The following PCSK2 variants were observed in gnomAD, a reference collection of about 807,000 sequenced individuals.
PCSK2 encodes neuroendocrine convertase 2.
In PCSK2, 14 loss-of-function variants were observed where a neutral mutation model predicts 69.7. That is an observed-to-expected ratio of 0.20 (90% CI 0.13 to 0.31). PCSK2 has a LOEUF of 0.31. Among genes scored for constraint, PCSK2 ranks in the 10% least tolerant of loss-of-function variants. The pLI is 1.00. For synonymous variants in PCSK2, 307 were observed against 320.7 expected (o/e 0.96, Z 0.46); for missense variants, 544 against 842.5 (o/e 0.65, Z 4.39).
Position 17,394,436 on chromosome 20 carries a change from G to A in PCSK2, c.544-14827G>A, listed in dbSNP as rs73257674. On this transcript the variant is annotated intron_variant, in intron 5 of 11. Coordinates refer to ENST00000262545, the MANE Select transcript of PCSK2 (RefSeq NM_002594.5). ...ACAGCAGAGTGTCATGTGGGAAGAG[G>A]ACATGTCCTTGAACCACTTGGAGCG... Among the ~76,000 whole-genome samples, 312 of 152,290 alleles carry A rather than the reference G, an allele frequency of 2.0e-3. 1 individual carries two copies. Among genetic ancestry groups the A allele is most frequent in the African/African-American group, 7.2e-3 (299 of 41,548 alleles).
Position 17,453,994 on chromosome 20 carries a change from C to T in PCSK2, c.1101+37C>T. 5.0e-6 allele frequency: 8 copies of T among 1,611,368 alleles called. No homozygotes were observed. Among genetic ancestry groups the T allele is most frequent in the Non-Finnish European group, 6.8e-6 (8 of 1,178,876 alleles). On this transcript the variant is annotated intron_variant, in intron 9 of 11. Transcript: ENST00000262545. The surrounding 1 kb of genome is among the most constrained non-coding windows in gnomAD (Gnocchi z 4.0). ...CCCTTCTGTCCTTGTTTCCTTAGGG[C>T]CACTGCACCTCTGTGTCAGGGTGGG...
intron 10 of PCSK2, chr20:17,464,438 T>G (rs1219569927): frequency 6.6e-6 from 1 of 152,138 alleles, no homozygotes; most frequent in Non-Finnish European, 1.5e-5. Context: ...ATGCTAAATA[T>G]AATTTCTCTA....
At chr20:17,232,778 C>T (rs1986188703) in intron 1 of PCSK2, among the ~76,000 whole-genome samples, 1 of 151,976 alleles carries the variant, frequency 6.6e-6, no homozygotes, top group Non-Finnish European at 1.5e-5. Flanking sequence ...TCAAAATTGA[C>T]AATATTTGGA....
At chr20:17,300,934 C>G (rs1256742459) in intron 2 of PCSK2, among the ~76,000 whole-genome samples, 1 of 152,106 alleles carries the variant, frequency 6.6e-6, no homozygotes, top group Non-Finnish European at 1.5e-5. Context: ...GCATAATTTC[C>G]CTTAACCTTA....
rs577316504 is a variant in PCSK2 at position 17,455,958 on chromosome 20, G to A, written c.1102-390G>A. ...GGAACAAAGCATAGGTTAAATAAAA[G>A]GAGTAGGCTGGGGGCAGTGACTCAT... On this transcript the variant is annotated intron_variant, in intron 9 of 11. Coordinates refer to ENST00000262545, the MANE Select transcript of PCSK2 (RefSeq NM_002594.5). 1.4e-4 allele frequency among the ~76,000 whole-genome samples: 21 copies of A among 152,292 alleles called. 1 individual carries two copies. In the South Asian group the frequency reaches 4.3e-3, roughly 32 times the overall value.
chr20:17,384,425 C>CAAAAAAAA (rs11478291), intron 5 of PCSK2, among the ~76,000 whole-genome samples: 3 of 106,544 alleles, frequency 2.8e-5, no homozygotes, highest in African/African-American at 7.7e-5. Context: ...CCATATCTAC[C>CAAAAAAAA]AAAAAAAAAA....
At chr20:17,403,871 A>G (rs767561928) in intron 5 of PCSK2, among the ~76,000 whole-genome samples, 1 of 152,244 alleles carries the variant, frequency 6.6e-6, no homozygotes, top group Non-Finnish European at 1.5e-5. Flanking sequence ...GTGCACAACT[A>G]TAACCATAGA....
intron 5 of PCSK2, among the ~76,000 whole-genome samples, chr20:17,377,366 G>A (rs1029504560): frequency 5.3e-5 from 8 of 152,190 alleles, no homozygotes; most frequent in Non-Finnish European, 1.5e-5. Flanking sequence ...TGTCTCTGAA[G>A]TGGGTGCCTG....
intron 8 of PCSK2, among the ~76,000 whole-genome samples, chr20:17,445,683 T>C (rs1346898288): frequency 6.6e-6 from 1 of 152,202 alleles, no homozygotes; most frequent in South Asian, 2.1e-4. Flanking sequence ...TCGTACACCA[T>C]GGCGGCGAGT....
chr20:17,341,243 T>C (rs1182941327), intron 2 of PCSK2, among the ~76,000 whole-genome samples: 1 of 152,118 alleles, frequency 6.6e-6, no homozygotes, highest in Non-Finnish European at 1.5e-5. Context: ...GTCTCAAAAA[T>C]AAATAAATAA....
chr20:17,247,314 C>T (rs948782981), intron 1 of PCSK2, among the ~76,000 whole-genome samples: 1 of 152,166 alleles, frequency 6.6e-6, no homozygotes, highest in Admixed American at 6.5e-5. Context: ...AAATGCAGAG[C>T]TTATCCCTGT....
chr20:17,413,178 A>G (rs1284358567), intron 6 of PCSK2, among the ~76,000 whole-genome samples: 1 of 152,218 alleles, frequency 6.6e-6, no homozygotes, highest in African/African-American at 2.4e-5. Flanking sequence ...TTCACACATA[A>G]CAATATTAAC....
intron 2 of PCSK2, among the ~76,000 whole-genome samples, chr20:17,302,680 T>C (rs991190415): frequency 6.6e-6 from 1 of 152,186 alleles, no homozygotes; most frequent in Non-Finnish European, 1.5e-5. Flanking sequence ...AACTCCTGAA[T>C]TCACACAGAG....
Position 17,429,449 on chromosome 20 carries a change from G to A in PCSK2, c.635G>A (p.Cys212Tyr). 6.2e-7 allele frequency: 1 copy of A among 1,613,748 alleles called. No homozygotes were observed. Among genetic ancestry groups the A allele is most frequent in the Non-Finnish European group, 8.5e-7 (1 of 1,179,702 alleles). ...DDWFNSHGTR[C>Y]AGEVSAAANN... The stretch of plus-strand genomic sequence containing the variant: ...TTTTTCCAAAGCCACGGGACCCGAT[G>A]TGCAGGAGAAGTTTCTGCTGCCGCC... The change falls in exon 7 of 12, where the codon TGT becomes TAT. Residue 212 changes from cysteine (C) to tyrosine (Y), a missense_variant. Cys to Tyr is a radical substitution (Grantham distance 194). Around this residue, in one of 3 missense-constraint regions of PCSK2, gnomAD observed 187 missense variants for 399.8 expected, o/e 0.47. Transcript: ENST00000262545.
intron 2 of PCSK2, among the ~76,000 whole-genome samples, chr20:17,354,231 GT>G (rs1568615035): frequency 6.6e-6 from 1 of 152,174 alleles, no homozygotes; most frequent in African/African-American, 2.4e-5. Context: ...ACTTTCTTAT[GT>G]TTTTTATTTG....
At chr20:17,440,784 C>T (rs1038243098) in intron 8 of PCSK2, among the ~76,000 whole-genome samples, 1 of 151,608 alleles carries the variant, frequency 6.6e-6, no homozygotes, top group African/African-American at 2.4e-5. Context: ...ATCACTTGAA[C>T]CCGGGAGGCA....
chr20:17,286,324 G>C (rs990490082), intron 2 of PCSK2, among the ~76,000 whole-genome samples: 5 of 152,192 alleles, frequency 3.3e-5, no homozygotes, highest in African/African-American at 1.2e-4. Context: ...GATGTCTCTT[G>C]AATAAAAGGT....
chr20:17,375,839 T>C (rs533881225), intron 5 of PCSK2, among the ~76,000 whole-genome samples: 2 of 152,298 alleles, frequency 1.3e-5, no homozygotes, highest in African/African-American at 4.8e-5. Context: ...GAAGTTTGCA[T>C]TGACTCAACT....
intron 2 of PCSK2, among the ~76,000 whole-genome samples, chr20:17,339,770 C>T (rs879767442): frequency 1.3e-5 from 2 of 152,134 alleles, no homozygotes; most frequent in East Asian, 3.9e-4. Context: ...TCTGGAACTG[C>T]CCAGCTCCCC....
Sources: allele counts gnomAD v4.1 joint callset (sites outside exome capture counted in the v4.1 genomes callset), GRCh38; gene constraint gnomAD v4.1.1; regional missense constraint gnomAD v4.1.1; non-coding constraint Gnocchi (gnomAD v3.1); transcripts MANE v1.5; gene names NCBI Gene and HGNC (gene_info 2026-07-23, HGNC 2026-07-21).